Variants in NDST4 observed in about 807,000 individuals in gnomAD.
NDST4 encodes the protein N-heparan sulfate sulfotransferase 4.
Under a neutral mutation model 100.8 loss-of-function variants are expected in NDST4, and 63 were observed. The observed-to-expected ratio is 0.62, with a 90% CI of 0.51 to 0.77. NDST4 has a LOEUF of 0.77. Among genes scored for constraint, NDST4 ranks in the 30% least tolerant of loss-of-function variants. The pLI is 0.00. For missense variants in NDST4, 943 were observed against 1,018.4 expected, an observed-to-expected ratio of 0.93 and a Z score of 1.01; for synonymous variants, 377 against 361.8, an observed-to-expected ratio of 1.04 and a Z score of -0.48.
At chr4:115,023,621 T>C (rs1727911283) in intron 2 of NDST4, among the ~76,000 whole-genome samples, 1 of 152,062 alleles carries the variant, frequency 6.6e-6, no homozygotes. Flanking sequence ...GATGGAATTT[T>C]TAATTAAAAG....
intron 1 of NDST4, among the ~76,000 whole-genome samples, chr4:115,099,247 T>C (rs978598434): frequency 2.6e-5 from 4 of 152,044 alleles, no homozygotes; most frequent in Admixed American, 1.3e-4. Flanking sequence ...TAGGAGAAGA[T>C]CTAGATGACC....
At chr4:114,881,701 AAAT>A (rs1724373421) in intron 6 of NDST4, among the ~76,000 whole-genome samples, 1 of 152,082 alleles carries the variant, frequency 6.6e-6, no homozygotes, top group African/African-American at 2.4e-5. Flanking sequence ...TTTGCCAAAT[AAAT>A]AGAATGAAAG....
In NDST4 at chr4:115,076,682, G is replaced by A; in HGVS notation, c.355C>T (p.Pro119Ser). 6.2e-7 allele frequency: 1 copy of A among 1,613,880 alleles called. No homozygotes were observed. The highest frequency in any genetic ancestry group is 8.5e-7 in the Non-Finnish European group (1 of 1,179,908). The change falls in exon 2 of 14, where the codon CCT becomes TCT. Residue 119 changes from proline (P) to serine (S), a missense_variant. This residue lies in a region of NDST4 where 417 missense variants were observed against 384.2 expected (regional missense o/e 1.09). Coordinates refer to ENST00000264363, the MANE Select transcript of NDST4 (RefSeq NM_022569.3). The stretch of plus-strand genomic sequence containing the variant: ...TTCCCTTTGCCATTATCTGTAAGAG[G>A]AGGTATATCTCCCTTTCCAGGGGCA... ...VIAPGKGDIP[P>S]LTDNGKGKYT... is the part of the protein sequence containing the mutation.
Position 115,044,330 on chromosome 4 carries a change from A to T in NDST4, c.978+31729T>A, listed in dbSNP as rs72617778. ...AAGATTAAAGATTCAGGGGCAACAAACAGACACAACCGTGAGCTGAACCAT... is the reference window on the plus strand; with the variant it reads ...AAGATTAAAGATTCAGGGGCAACAATCAGACACAACCGTGAGCTGAACCAT... On this transcript the variant is annotated intron_variant, in intron 2 of 13. Coordinates refer to ENST00000264363, the MANE Select transcript of NDST4 (RefSeq NM_022569.3). Among the ~76,000 whole-genome samples, 270 of 152,288 alleles carry T rather than the reference A, an allele frequency of 1.8e-3. No individual in the cohort carries two copies. In the East Asian group the frequency reaches 0.042, roughly 24 times the overall value.
intron 10 of NDST4, among the ~76,000 whole-genome samples, chr4:114,844,445 T>C (rs748652655): frequency 3.3e-5 from 5 of 152,214 alleles, no homozygotes; most frequent in Non-Finnish European, 5.9e-5. Context: ...CGGAATTTCT[T>C]CTAGCTCTTT....
chr4:115,009,355 G>C lies in NDST4; in HGVS notation c.979-32081C>G, dbSNP rs1473557068. On this transcript the variant is annotated intron_variant, in intron 2 of 13. Transcript: ENST00000264363. ...AACAGAGATATAGATCAATGGAACA[G>C]AACAGAGCCCTCAGAAATAATGCTG... 1.6e-4 allele frequency among the ~76,000 whole-genome samples: 20 copies of C among 127,846 alleles called. 6 individuals are homozygous for C. The highest frequency in any genetic ancestry group is 4.8e-4 in the African/African-American group (16 of 33,466). 83.9% of individuals were successfully genotyped at this position (127,846 alleles called of 152,430 possible). A position where few individuals can be genotyped will look rare whatever the true frequency, so the allele number is the denominator to read the frequency against.
chr4:115,010,981 T>A (rs1350449484), intron 2 of NDST4, among the ~76,000 whole-genome samples: 1 of 152,022 alleles, frequency 6.6e-6, no homozygotes, highest in East Asian at 1.9e-4. Context: ...GCAAAAATAA[T>A]AGTTAATAAA....
At chr4:114,873,969 C>A (rs779625687) in intron 6 of NDST4, among the ~76,000 whole-genome samples, 30 of 152,050 alleles carry the variant, frequency 2.0e-4, no homozygotes, top group Non-Finnish European at 3.7e-4. Flanking sequence ...CCATCTTCAT[C>A]ATTTCTAAGT....
intron 13 of NDST4, among the ~76,000 whole-genome samples, chr4:114,828,838 C>A (rs758958715): frequency 6.6e-6 from 1 of 152,114 alleles, no homozygotes; most frequent in Non-Finnish European, 1.5e-5. Context: ...GGTCTTTTAC[C>A]ACATAAAACT....
chr4:115,011,551 T>C (rs1326441766), intron 2 of NDST4, among the ~76,000 whole-genome samples: 1 of 151,946 alleles, frequency 6.6e-6, no homozygotes, highest in East Asian at 1.9e-4. Flanking sequence ...AGACCTATCA[T>C]TGTCAACTTA....
intron 6 of NDST4, among the ~76,000 whole-genome samples, chr4:114,871,264 A>T (rs954309098): frequency 6.6e-6 from 1 of 152,146 alleles, no homozygotes; most frequent in Non-Finnish European, 1.5e-5. Flanking sequence ...ACTAGTGAAG[A>T]ACCAATATTA....
At chr4:114,913,440 T>C (rs902521415) in intron 6 of NDST4, among the ~76,000 whole-genome samples, 4 of 152,068 alleles carry the variant, frequency 2.6e-5, no homozygotes, top group Non-Finnish European at 5.9e-5. Context: ...ACTTACGATA[T>C]GCGGAAATAC....
At chr4:115,036,977 T>C (rs912030675) in intron 2 of NDST4, among the ~76,000 whole-genome samples, 8 of 152,086 alleles carry the variant, frequency 5.3e-5, no homozygotes, top group African/African-American at 1.9e-4. Context: ...GAAAAATAGC[T>C]TTTTATATAT....
intron 2 of NDST4, among the ~76,000 whole-genome samples, chr4:115,012,234 T>C (rs1392452848): frequency 6.6e-6 from 1 of 152,016 alleles, no homozygotes; most frequent in Non-Finnish European, 1.5e-5. Flanking sequence ...CTATTAAAGC[T>C]AGGTATTTCT....
At chr4:115,015,242 T>C (rs758818638) in intron 2 of NDST4, among the ~76,000 whole-genome samples, 7 of 152,080 alleles carry the variant, frequency 4.6e-5, no homozygotes, top group African/African-American at 7.2e-5. Flanking sequence ...GGAAAATATC[T>C]ATGATCATCA....
intron 2 of NDST4, among the ~76,000 whole-genome samples, chr4:115,037,034 G>A (rs555399941): frequency 6.6e-6 from 1 of 151,950 alleles, no homozygotes; most frequent in Non-Finnish European, 1.5e-5. Flanking sequence ...AAAGATGAGA[G>A]AAGGAAACAG....
intron 2 of NDST4, among the ~76,000 whole-genome samples, chr4:115,034,930 T>G (rs1431973312): frequency 6.6e-6 from 1 of 152,176 alleles, no homozygotes; most frequent in Non-Finnish European, 1.5e-5. Flanking sequence ...CCTCCTTTCT[T>G]CTTCCTCTCT....
chr4:115,010,121 A>C (rs1456910447), intron 2 of NDST4, among the ~76,000 whole-genome samples: 1 of 126,492 alleles, frequency 7.9e-6, no homozygotes, highest in East Asian at 2.5e-4. Flanking sequence ...TGTGGAAGTC[A>C]GTGTGGCAAT....
At chr4:114,945,385 A>G (rs1022315051) in intron 4 of NDST4, among the ~76,000 whole-genome samples, 3 of 152,086 alleles carry the variant, frequency 2.0e-5, no homozygotes, top group African/African-American at 4.8e-5. Context: ...CTCTATTTTT[A>G]TGACCCTATG....
Sources: allele counts gnomAD v4.1 joint callset (sites outside exome capture counted in the v4.1 genomes callset), GRCh38; gene constraint gnomAD v4.1.1; regional missense constraint gnomAD v4.1.1; transcripts MANE v1.5; gene names NCBI Gene and HGNC (gene_info 2026-07-23, HGNC 2026-07-21).